LYN: variants seen among roughly 807,000 people sequenced by gnomAD.
LYN encodes the protein LYN proto-oncogene, Src family tyrosine kinase.
A neutral mutation model predicts 65.0 loss-of-function variants in LYN; 12 were observed. The ratio of observed to expected loss-of-function variants is 0.18; its 90% CI spans 0.12 to 0.30. LYN has a LOEUF of 0.30. Among genes scored for constraint, LYN ranks in the 10% least tolerant of loss-of-function variants. The pLI is 1.00. For missense variants in LYN, 380 were observed against 623.2 expected (o/e 0.61, Z 4.16); for synonymous variants, 222 against 221.2 (o/e 1.00, Z -0.03).
intron 8 of LYN, among the ~76,000 whole-genome samples, chr8:55,957,375 C>A (rs892114602): frequency 1.3e-5 from 2 of 152,108 alleles, no homozygotes; most frequent in Non-Finnish European, 2.9e-5. Context: ...ATTAGACTTT[C>A]CTATGGATAT....
intron 1 of LYN, among the ~76,000 whole-genome samples, chr8:55,897,251 T>C (rs1407364995): frequency 1.3e-5 from 2 of 152,188 alleles, no homozygotes; most frequent in African/African-American, 4.8e-5. Flanking sequence ...ACGCCTATCA[T>C]GCCATATAAA....
At chr8:55,944,782 G>GT (rs914546151) in intron 2 of LYN, among the ~76,000 whole-genome samples, 2 of 152,128 alleles carry the variant, frequency 1.3e-5, no homozygotes, top group South Asian at 2.1e-4. Flanking sequence ...CACCCAGCCT[G>GT]TTTTTTGTTT....
chr8:55,967,011 C>A, intron 9 of LYN, 114 bp downstream of exon 9: 1 of 940,626 alleles, frequency 1.1e-6, no homozygotes, highest in South Asian at 1.9e-5. Flanking sequence ...TACCCACTAC[C>A]GAAAAATCAG....
In LYN at chr8:55,941,880, A is replaced by G; in HGVS notation, c.21A>G (p.Lys7=). The G allele has an allele frequency of 6.2e-7, 1 of 1,612,970 alleles. No individual in the cohort carries two copies. Among genetic ancestry groups the G allele is most frequent in the South Asian group, 1.1e-5 (1 of 91,064 alleles). Residue 7 remains lysine, a synonymous_variant, in exon 2 of 13, where the codon AAA becomes AAG. Transcript: ENST00000519728. MGCIKS[K]GKDSLSDDGV... ...GAAATATGGGATGTATAAAATCAAA[A>G]GGGAAAGACAGCTTGAGTGACGATG...
At chr8:55,897,894 C>T (rs1019931082) in intron 1 of LYN, among the ~76,000 whole-genome samples, 1 of 152,064 alleles carries the variant, frequency 6.6e-6, no homozygotes, top group East Asian at 1.9e-4. Context: ...GCCTGCGTGA[C>T]AGTGAGGCCC....
rs565235923 is a variant in LYN, at chr8:55,951,401, C to T, written c.488-565C>T. Among the ~76,000 whole-genome samples the T allele has an allele frequency of 8.5e-5, 13 of 152,124 alleles. No homozygotes were observed. In the East Asian group the frequency reaches 1.7e-3, roughly 20 times the overall value. ...GAAAATTAGGCTGGGCGTGGTGGCT[C>T]AGGCCTGTAATCCCAATGCTTTGGG... On this transcript the variant is annotated intron_variant, in intron 6 of 12. Coordinates refer to ENST00000519728, the MANE Select transcript of LYN (RefSeq NM_002350.4).
At chr8:55,989,592 T>C (rs995245696) in intron 10 of LYN, among the ~76,000 whole-genome samples, 1 of 152,216 alleles carries the variant, frequency 6.6e-6, no homozygotes, top group African/African-American at 2.4e-5. Context: ...TTGGACTTTC[T>C]ACTTTAACAT....
At chr8:55,926,533 A>G (rs542364267) in intron 1 of LYN, among the ~76,000 whole-genome samples, 1 of 152,376 alleles carries the variant, frequency 6.6e-6, no homozygotes, top group East Asian at 1.9e-4. Context: ...CCCAGCTCTT[A>G]TCAGTTATTT....
chr8:55,997,440 G>T (rs1808402442), intron 10 of LYN, among the ~76,000 whole-genome samples: 1 of 152,192 alleles, frequency 6.6e-6, no homozygotes, highest in Non-Finnish European at 1.5e-5. Flanking sequence ...CAGGTTTCAT[G>T]TCTGATGAGG....
intron 10 of LYN, among the ~76,000 whole-genome samples, chr8:55,970,528 G>A (rs1056371342): frequency 1.3e-5 from 2 of 152,172 alleles, no homozygotes; most frequent in Admixed American, 6.5e-5. Context: ...GCAATCGGTG[G>A]TTTCATGAAG....
chr8:56,007,139 T>C (rs1428129191), intron 12 of LYN, among the ~76,000 whole-genome samples: 1 of 152,184 alleles, frequency 6.6e-6, no homozygotes, highest in African/African-American at 2.4e-5. Flanking sequence ...ATTCTGACCT[T>C]TTATGCAAAT....
At chr8:55,983,028 C>T (rs1387271330) in intron 10 of LYN, among the ~76,000 whole-genome samples, 2 of 152,092 alleles carry the variant, frequency 1.3e-5, no homozygotes, top group Non-Finnish European at 2.9e-5. Flanking sequence ...GGTAAAATGC[C>T]AGCCCTATGG....
intron 1 of LYN, among the ~76,000 whole-genome samples, chr8:55,910,723 T>G (rs1238481510): frequency 1.3e-5 from 2 of 152,152 alleles, no homozygotes; most frequent in Non-Finnish European, 2.9e-5. Flanking sequence ...TTATGTATTT[T>G]CTTCCCAATA....
intron 10 of LYN, among the ~76,000 whole-genome samples, chr8:55,979,406 G>A (rs957466891): frequency 6.6e-6 from 1 of 152,166 alleles, no homozygotes; most frequent in Admixed American, 6.5e-5. Context: ...ATTACTGAGA[G>A]AGGAACTTAA....
chr8:55,914,099 G>GGTGT (rs139072307), intron 1 of LYN, among the ~76,000 whole-genome samples: 4 of 150,450 alleles, frequency 2.7e-5, no homozygotes, highest in Non-Finnish European at 5.9e-5. Flanking sequence ...GGTTGTTGTT[G>GGTGT]GTGTGTGTGT....
chr8:55,945,900 C>T (rs992780713), intron 2 of LYN, among the ~76,000 whole-genome samples: 7 of 152,174 alleles, frequency 4.6e-5, no homozygotes, highest in African/African-American at 1.7e-4. Context: ...CAGGCTGGGA[C>T]GGCAACTCCA....
chr8:55,929,533 A>G (rs1263988993), intron 1 of LYN, among the ~76,000 whole-genome samples: 3 of 152,250 alleles, frequency 2.0e-5, no homozygotes, highest in African/African-American at 7.2e-5. Context: ...TTTTGCCCCA[A>G]TCTGTAACAG....
At chr8:55,973,117 A>C (rs1019138824) in intron 10 of LYN, among the ~76,000 whole-genome samples, 1 of 152,142 alleles carries the variant, frequency 6.6e-6, no homozygotes, top group African/African-American at 2.4e-5. Flanking sequence ...CACCATCTGT[A>C]TCTGGCCTCT....
chr8:55,953,761 T>A lies in LYN; in HGVS notation c.638-71T>A. The A allele has an allele frequency of 3.4e-6, 5 of 1,477,384 alleles. No individual in the cohort carries two copies. The African/African-American group carries it at 4.7e-5, about 14-fold the overall frequency. The allele number at this position is 1,477,384 out of a possible 1,614,324, so 91.5% of individuals were successfully genotyped here. On this transcript the variant is annotated intron_variant, in intron 7 of 12. Transcript: ENST00000519728. Reference sequence around the variant, plus strand: ...GGACACTATAAGGCTAGTGTTCAACTTTTCTTTATAGACACAGGTAAAGTA... The same window carrying A: ...GGACACTATAAGGCTAGTGTTCAACATTTCTTTATAGACACAGGTAAAGTA...
Sources: allele counts gnomAD v4.1 joint callset (sites outside exome capture counted in the v4.1 genomes callset), GRCh38; gene constraint gnomAD v4.1.1; transcripts MANE v1.5; gene names NCBI Gene and HGNC (gene_info 2026-07-23, HGNC 2026-07-21).